SOD1: variants seen among roughly 807,000 people sequenced by gnomAD.
The protein encoded by SOD1 is superoxide dismutase 1.
SOD1 carries 8 observed loss-of-function variants against 15.9 expected under a neutral mutation model. That is an observed-to-expected ratio of 0.50 (90% CI 0.30 to 0.91). The LOEUF (loss-of-function observed/expected upper bound fraction) is 0.91, where lower values mean the gene tolerates loss of function less well. SOD1 is among the 40% of genes least tolerant of loss of function. The pLI is 0.07. For synonymous variants in SOD1, 86 were observed against 71.2 expected, an observed-to-expected ratio of 1.21 and a Z score of -1.04; for missense variants, 137 against 194.5, an observed-to-expected ratio of 0.70 and a Z score of 1.76.
Position 31,668,527 on chromosome 21 carries a change from A to G in SOD1, c.414A>G (p.Thr138=), listed in dbSNP as rs752378382. Residue 138 remains threonine (T), a synonymous_variant, in exon 5 of 5, where the codon ACA becomes ACG. Transcript: ENST00000270142. ...GTGGAAATGAAGAAAGTACAAAGACAGGAAACGCTGGAAGTCGTTTGGCTT... is the reference window on the plus strand; with the variant it reads ...GTGGAAATGAAGAAAGTACAAAGACGGGAAACGCTGGAAGTCGTTTGGCTT... ...GKGGNEESTK[T]GNAGSRLACG... 9.3e-6 allele frequency: 15 copies of G among 1,613,894 alleles called. No homozygotes were observed. The African/African-American group carries it at 1.2e-4, about 13-fold the overall frequency.
chr21:31,659,945 C>T, intron 1 of SOD1, 104 bp downstream of exon 1: 5 of 1,174,824 alleles, frequency 4.3e-6, no homozygotes, highest in Non-Finnish European at 4.9e-6. Context: ...CGGGGCCGCC[C>T]TGGTCCAGCG....
In SOD1 at chr21:31,668,649, GATAA is replaced by G. The variant is rs2049621174; in HGVS notation, c.*73_*76del. Reference sequence around the variant, plus strand: ...CCTGCTAGCTGTAGAAATGTATCCTGATAAACATTAAACACTGTAATCTTAAAAG... The same window carrying G: ...CCTGCTAGCTGTAGAAATGTATCCTGACATTAAACACTGTAATCTTAAAAG... On this transcript the variant is annotated 3_prime_UTR_variant, in exon 5 of 5. Transcript: ENST00000270142. The G allele has an allele frequency of 3.5e-6, 4 of 1,134,146 alleles. No individual in the cohort carries two copies. The South Asian group carries it at 4.9e-5, about 14-fold the overall frequency. The allele number at this position is 1,134,146 out of a possible 1,614,324, so 70.3% of individuals were successfully genotyped here. A position where few individuals can be genotyped will look rare whatever the true frequency, so the allele number is the denominator to read the frequency against.
At chr21:31,664,317 T>C (rs1601156507) in intron 2 of SOD1, 1 of 261,310 alleles carries the variant, frequency 3.8e-6, no homozygotes, top group Admixed American at 4.7e-5. Context: ...CTTTATTGTA[T>C]ATAAGCACTG....
In SOD1 at chr21:31,663,846, G is replaced by A; in HGVS notation, c.129G>A (p.Leu43=). The change falls in exon 2 of 5, where the codon CTG becomes CTA. Residue 43 remains leucine, a synonymous_variant. Coordinates refer to ENST00000270142, the MANE Select transcript of SOD1 (RefSeq NM_000454.5). The part of the protein sequence containing the change: ...WGSIKGLTEG[L]HGFHVHEFGD... The stretch of plus-strand genomic sequence containing the variant: ...GCATTAAAGGACTGACTGAAGGCCT[G>A]CATGGATTCCATGTTCATGAGTTTG... The A allele has an allele frequency of 6.2e-7, 1 of 1,613,674 alleles. No individual in the cohort carries two copies. Among genetic ancestry groups the A allele is most frequent in the Non-Finnish European group, 8.5e-7 (1 of 1,179,604 alleles).
chr21:31,663,982 T>C (rs2049571406), intron 2 of SOD1, 96 bp downstream of exon 2: 1 of 948,030 alleles, frequency 1.1e-6, no homozygotes, highest in East Asian at 2.5e-5. Context: ...CAACTTGTTT[T>C]TGTTTTTGAG....
chr21:31,662,104 C>A (rs2049553250), intron 1 of SOD1, among the ~76,000 whole-genome samples: 1 of 152,128 alleles, frequency 6.6e-6, no homozygotes, highest in Admixed American at 6.5e-5. Flanking sequence ...AGTTCATAGC[C>A]TGGTCCCTGC....
intron 1 of SOD1, chr21:31,661,529 A>G (rs1329488500): frequency 1.3e-5 from 2 of 152,212 alleles, no homozygotes; most frequent in African/African-American, 4.8e-5. Flanking sequence ...ACGCCTGGCT[A>G]ATTTTTTATA....
At chr21:31,662,459 G>A (rs977169757) in intron 1 of SOD1, among the ~76,000 whole-genome samples, 1 of 152,276 alleles carries the variant, frequency 6.6e-6, no homozygotes, top group South Asian at 2.1e-4. Context: ...GTTGTATGAC[G>A]GTGTGGTGTG....
Position 31,659,820 on chromosome 21 carries a change from C to A in SOD1, c.51C>A (p.Gly17=), listed in dbSNP as rs200454724. 1.2e-5 allele frequency: 20 copies of A among 1,613,634 alleles called. No individual in the cohort carries two copies. Among genetic ancestry groups the A allele is most frequent in the Non-Finnish European group, 1.7e-5 (20 of 1,179,874 alleles). The part of the protein sequence containing the change: ...CVLKGDGPVQ[G]IINFEQKESN... ...TGAAGGGCGACGGCCCAGTGCAGGG[C>A]ATCATCAATTTCGAGCAGAAGGCAA... Residue 17 remains glycine, a synonymous_variant, in exon 1 of 5, where the codon GGC becomes GGA. Transcript: ENST00000270142.
At chr21:31,667,580 C>G (rs1178265587) in intron 4 of SOD1, among the ~76,000 whole-genome samples, 2 of 152,142 alleles carry the variant, frequency 1.3e-5, no homozygotes, top group African/African-American at 4.8e-5. Flanking sequence ...TGCTAAGATG[C>G]AGTAAAAAGC....
At position 31,668,454 on chromosome 21, in the gene SOD1, C is replaced by T. The variant is rs757264622; in HGVS notation, c.358-17C>T. On this transcript the variant is annotated splice_polypyrimidine_tract_variant and intron_variant, in intron 4 of 4. Coordinates refer to ENST00000270142, the MANE Select transcript of SOD1 (RefSeq NM_000454.5). ...TTACTTGACAGCCCAAAGTTATCTT[C>T]TTAAAATTTTTTACAGGTCCATGAA... 3.7e-6 allele frequency: 6 copies of T among 1,601,192 alleles called. No individual in the cohort carries two copies. Among genetic ancestry groups the T allele is most frequent in the Non-Finnish European group, 5.1e-6 (6 of 1,168,384 alleles).
At chr21:31,661,446 C>T (rs1245575270) in intron 1 of SOD1, 2 of 152,578 alleles carry the variant, frequency 1.3e-5, no homozygotes, top group Admixed American at 1.3e-4. Flanking sequence ...TCACTGCAAC[C>T]TCCGCCTCCC....
At chr21:31,663,959 C>A in intron 2 of SOD1, 73 bp downstream of exon 2, 1 of 1,124,510 alleles carries the variant, frequency 8.9e-7, no homozygotes, top group Non-Finnish European at 1.4e-6. Context: ...AGCCCCTAAA[C>A]GTTAAAACCC....
intron 3 of SOD1, 102 bp downstream of exon 3, chr21:31,666,620 A>C: frequency 1.1e-6 from 1 of 943,628 alleles, no homozygotes; most frequent in East Asian, 2.6e-5. Context: ...TGTTTCCCCC[A>C]CCTTTGCTTT....
chr21:31,667,144 T>G, intron 3 of SOD1, 114 bp from the exon 4 acceptor site: 1 of 751,984 alleles, frequency 1.3e-6, no homozygotes. Context: ...TTAGAATGCC[T>G]AGCTACTTGT....
chr21:31,666,006 C>G (rs983356690), intron 2 of SOD1, among the ~76,000 whole-genome samples: 3 of 137,290 alleles, frequency 2.2e-5, no homozygotes, highest in Non-Finnish European at 4.6e-5. Context: ...GAGTCTTGCT[C>G]TGTTGCCCAG....
Position 31,668,498 on chromosome 21 carries a change from A to G in SOD1, c.385A>G (p.Lys129Glu). The G allele has an allele frequency of 1.2e-6, 2 of 1,613,986 alleles. No homozygotes were observed. The highest frequency in any genetic ancestry group is 1.1e-5 in the South Asian group (1 of 91,082). ...VVHEKADDLG[K>E]GGNEESTKTG... ...CCATGAAAAAGCAGATGACTTGGGC[A>G]AAGGTGGAAATGAAGAAAGTACAAA... The change falls in exon 5 of 5, where the codon AAA (lysine) becomes GAA (glutamate). Residue 129 changes from lysine (K) to glutamate (E), a missense_variant. Transcript: ENST00000270142.
chr21:31,666,619 C>T, intron 3 of SOD1, 101 bp downstream of exon 3: 1 of 948,068 alleles, frequency 1.1e-6, no homozygotes, highest in South Asian at 1.4e-5. Flanking sequence ...GTGTTTCCCC[C>T]ACCTTTGCTT....
chr21:31,662,194 T>C (rs1218479749), intron 1 of SOD1, among the ~76,000 whole-genome samples: 1 of 152,230 alleles, frequency 6.6e-6, no homozygotes, highest in African/African-American at 2.4e-5. Flanking sequence ...ACCTGCTGTT[T>C]TTGGCCCTGT....
Sources: allele counts gnomAD v4.1 joint callset (sites outside exome capture counted in the v4.1 genomes callset), GRCh38; gene constraint gnomAD v4.1.1; transcripts MANE v1.5; gene names NCBI Gene and HGNC (gene_info 2026-07-23, HGNC 2026-07-21).